Variants in HS3ST4 observed in about 807,000 individuals in gnomAD.
HS3ST4 encodes the protein heparan sulfate-glucosamine 3-sulfotransferase 4, also known as heparan sulfate glucosamine 3-O-sulfotransferase 4.
Under a neutral mutation model 29.2 loss-of-function variants are expected in HS3ST4, and 17 were observed. The observed-to-expected ratio is 0.58, with a 90% confidence interval of 0.40 to 0.87. The LOEUF is 0.87. Among genes scored for constraint, HS3ST4 ranks in the 40% least tolerant of loss-of-function variants. The probability of loss-of-function intolerance (pLI) is 0.00; values close to 1 mark genes in which losing one functional copy is unlikely to be tolerated. For missense variants in HS3ST4, 627 were observed against 634.5 expected, an observed-to-expected ratio of 0.99 and a Z score of 0.13; for synonymous variants, 314 against 285.7, an observed-to-expected ratio of 1.10 and a Z score of -1.00.
At chr16:25,703,437 C>T (rs1966350693) in intron 1 of HS3ST4, among the ~76,000 whole-genome samples, 1 of 152,180 alleles carries the variant, frequency 6.6e-6, no homozygotes, top group African/African-American at 2.4e-5. Context: ...ACTGATATTA[C>T]CCACGCCTTA....
chr16:26,020,732 A>G (rs1321492465), intron 1 of HS3ST4, among the ~76,000 whole-genome samples: 2 of 152,192 alleles, frequency 1.3e-5, no homozygotes, highest in African/African-American at 4.8e-5. Flanking sequence ...ATGAATCTCA[A>G]GCCTCATCCC....
chr16:25,950,207 G>A (rs1968669975), intron 1 of HS3ST4, among the ~76,000 whole-genome samples: 1 of 152,140 alleles, frequency 6.6e-6, no homozygotes, highest in East Asian at 1.9e-4. Flanking sequence ...CCAGTTAGAT[G>A]ACCCATCTGC....
chr16:26,030,080 G>T (rs1280280480), intron 1 of HS3ST4, among the ~76,000 whole-genome samples: 1 of 152,198 alleles, frequency 6.6e-6, no homozygotes. Context: ...TGGAGGTCCA[G>T]GCTTCCTCCT....
At chr16:25,926,412 A>T (rs1256474144) in intron 1 of HS3ST4, among the ~76,000 whole-genome samples, 2 of 152,268 alleles carry the variant, frequency 1.3e-5, no homozygotes, top group Non-Finnish European at 1.5e-5. Context: ...AAATACCAAG[A>T]CCACCTTGTT....
At position 26,137,659 on chromosome 16, in the gene HS3ST4, G is replaced by GTTGT. The variant is rs1457228158; in HGVS notation, c.*1413_*1416dup. 2.0e-5 allele frequency: 3 copies of GTTGT among 149,308 alleles called. No individual in the cohort carries two copies. Among genetic ancestry groups the GTTGT allele is most frequent in the Admixed American group, 2.0e-4 (3 of 15,142 alleles). The allele number at this position is 149,308 out of a possible 1,614,324, so 9.2% of individuals were successfully genotyped here. Reference sequence around the variant, plus strand: ...ATTTCTCCCGCTAAATGAAAACCGTGTTGTTATAAAGCTTAATGCAACCTG... The same window carrying GTTGT: ...ATTTCTCCCGCTAAATGAAAACCGTGTTGTTTGTTATAAAGCTTAATGCAACCTG... On this transcript the variant is annotated 3_prime_UTR_variant, in exon 2 of 2. Transcript: ENST00000331351.
chr16:26,015,529 A>G (rs150777478), intron 1 of HS3ST4, among the ~76,000 whole-genome samples: 266 of 152,324 alleles, frequency 1.7e-3, no homozygotes, highest in African/African-American at 6.3e-3. Flanking sequence ...ATCATGACTG[A>G]TTGAATTAAT....
At chr16:25,713,796 G>T (rs1303583127) in intron 1 of HS3ST4, among the ~76,000 whole-genome samples, 4 of 152,078 alleles carry the variant, frequency 2.6e-5, no homozygotes, top group Non-Finnish European at 2.9e-5. Flanking sequence ...AACACAACTC[G>T]GTCCATAACA....
chr16:25,871,508 A>T (rs1405813399), intron 1 of HS3ST4, among the ~76,000 whole-genome samples: 2 of 152,182 alleles, frequency 1.3e-5, no homozygotes, highest in African/African-American at 4.8e-5. Context: ...AAGGATAATA[A>T]AAAATAATAA....
rs958713046 is a variant in HS3ST4 at position 25,692,379 on chromosome 16, TGCCGCCGCC to T, written c.-24_-16del. ...ACCATGTCCGGGCAGCGCCGGGGGC[TGCCGCCGCC>T]GCCGCCGCCGCCGCGAGCCGGGAGC... On this transcript the variant is annotated 5_prime_UTR_variant, in exon 1 of 2. Transcript: ENST00000331351. The T allele has an allele frequency of 5.2e-5, 25 of 477,830 alleles. No homozygotes were observed. The highest frequency in any genetic ancestry group is 2.7e-4 in the Admixed American group (4 of 15,044). 29.6% of individuals were successfully genotyped at this position (477,830 alleles called of 1,614,324 possible).
In HS3ST4 at chr16:26,136,338, C is replaced by A; in HGVS notation, c.*90C>A. ...ACCCCAGCTTCTGCAGCTTCACTTG[C>A]TGGAGTGCCAAGTAGATCTCCTCCT... On this transcript the variant is annotated 3_prime_UTR_variant, in exon 2 of 2. Transcript: ENST00000331351. 1 of 1,246,838 alleles carries A rather than the reference C, an allele frequency of 8.0e-7. No homozygotes were observed. Among genetic ancestry groups the A allele is most frequent in the Non-Finnish European group, 1.1e-6 (1 of 914,546 alleles). 77.2% of individuals were successfully genotyped at this position (1,246,838 alleles called of 1,614,324 possible). A position where few individuals can be genotyped will look rare whatever the true frequency, so the allele number is the denominator to read the frequency against.
At chr16:25,784,297 G>A (rs1966855296) in intron 1 of HS3ST4, among the ~76,000 whole-genome samples, 1 of 151,692 alleles carries the variant, frequency 6.6e-6, no homozygotes, top group Admixed American at 6.6e-5. Context: ...ACCTCTAAGT[G>A]TTCAAGTGAA....
chr16:25,971,140 T>G (rs1231495743), intron 1 of HS3ST4, among the ~76,000 whole-genome samples: 1 of 152,106 alleles, frequency 6.6e-6, no homozygotes, highest in African/African-American at 2.4e-5. Context: ...TGTGAGCCAT[T>G]GCGTTCAGCC....
At chr16:25,832,543 C>T (rs72780703) in intron 1 of HS3ST4, among the ~76,000 whole-genome samples, 17,701 of 152,158 alleles carry the variant, frequency 0.12, 1,319 homozygotes, top group South Asian at 0.2. Context: ...TGCATAAAAT[C>T]ATAATAAATG....
At chr16:25,859,429 C>G (rs750127874) in intron 1 of HS3ST4, among the ~76,000 whole-genome samples, 7 of 152,122 alleles carry the variant, frequency 4.6e-5, no homozygotes, top group Non-Finnish European at 1.0e-4. Context: ...AAGTGCAGGG[C>G]CAGAACTTAA....
intron 1 of HS3ST4, among the ~76,000 whole-genome samples, chr16:25,711,763 C>A (rs779382020): frequency 6.6e-6 from 1 of 152,108 alleles, no homozygotes; most frequent in South Asian, 2.1e-4. Context: ...GAAAAGCTTA[C>A]GAAGCCTTTC....
chr16:25,787,348 G>A (rs1282106167), intron 1 of HS3ST4, among the ~76,000 whole-genome samples: 3 of 152,224 alleles, frequency 2.0e-5, no homozygotes, highest in Non-Finnish European at 4.4e-5. Flanking sequence ...TGTTCACACT[G>A]TATTCATCTT....
chr16:25,851,886 A>G (rs993032696), intron 1 of HS3ST4, among the ~76,000 whole-genome samples: 1 of 151,984 alleles, frequency 6.6e-6, no homozygotes, highest in East Asian at 1.9e-4. Flanking sequence ...GAAGTTATTA[A>G]TGGATCCTGC....
intron 1 of HS3ST4, among the ~76,000 whole-genome samples, chr16:25,973,948 A>G (rs1419589922): frequency 6.6e-6 from 1 of 152,192 alleles, no homozygotes; most frequent in Non-Finnish European, 1.5e-5. Flanking sequence ...TCCCTCTGCA[A>G]ACAAGCTATC....
intron 1 of HS3ST4, among the ~76,000 whole-genome samples, chr16:25,948,697 A>G (rs1389500077): frequency 6.6e-6 from 1 of 152,144 alleles, no homozygotes; most frequent in African/African-American, 2.4e-5. Context: ...GCTAAATGCC[A>G]CTATCACCTA....
Sources: gnomAD v4.1 joint callset for allele counts (sites outside exome capture counted in the v4.1 genomes callset) on GRCh38, gnomAD v4.1.1 for gene constraint, MANE v1.5 for transcripts, NCBI Gene and HGNC (gene_info 2026-07-23, HGNC 2026-07-21) for gene names.